Variants in SLC14A2 observed in about 807,000 individuals in gnomAD.
SLC14A2 encodes urea transporter 2.
Under a neutral mutation model 104.6 loss-of-function variants are expected in SLC14A2, and 91 were observed. The ratio of observed to expected loss-of-function variants is 0.87; its 90% CI spans 0.73 to 1.04. SLC14A2 has a LOEUF of 1.04. Among genes scored for constraint, SLC14A2 ranks in the 50% least tolerant of loss-of-function variants. The pLI is 0.00. For missense variants in SLC14A2, 1,189 were observed against 1,156.0 expected (o/e 1.03, Z -0.41); for synonymous variants, 476 against 466.4 (o/e 1.02, Z -0.27).
intron 1 of SLC14A2, among the ~76,000 whole-genome samples, chr18:45,279,741 T>C (rs188751390): frequency 2.0e-5 from 3 of 152,266 alleles, no homozygotes; most frequent in African/African-American, 7.2e-5. Context: ...ACACAGCCTC[T>C]GCCTACCCTT....
At chr18:45,190,803 A>G in the SLC14A2 span, among the ~76,000 whole-genome samples, 1 of 152,186 alleles carries the variant, frequency 6.6e-6, no homozygotes, top group African/African-American at 2.4e-5. Flanking sequence ...TATTATCCGC[A>G]TATTACAGGT....
intron 10 of SLC14A2, 54 bp downstream of exon 10, chr18:45,644,214 C>A (rs1347282045): frequency 1.3e-6 from 2 of 1,570,228 alleles, no homozygotes; most frequent in South Asian, 1.1e-5. Flanking sequence ...GATGTCCTCT[C>A]CCTGTGTTCT....
At chr18:45,508,007 A>C (rs2043310367) in intron 2 of SLC14A2, among the ~76,000 whole-genome samples, 1 of 152,244 alleles carries the variant, frequency 6.6e-6, no homozygotes, top group Non-Finnish European at 1.5e-5. Context: ...CTATAATGCA[A>C]GCTTAAAATA....
intron 1 of SLC14A2, among the ~76,000 whole-genome samples, chr18:45,344,265 G>GTCAT (rs1312688984): frequency 4.6e-5 from 7 of 152,234 alleles, no homozygotes; most frequent in African/African-American, 1.7e-4. Context: ...CCACTTAGAT[G>GTCAT]TCATTCAATT....
At chr18:45,277,132 A>G (rs1022579855) in intron 1 of SLC14A2, among the ~76,000 whole-genome samples, 1 of 152,222 alleles carries the variant, frequency 6.6e-6, no homozygotes, top group African/African-American at 2.4e-5. Flanking sequence ...TTAGCACTTG[A>G]ATTTCCTTGG....
At chr18:45,196,856 T>C in the SLC14A2 span, among the ~76,000 whole-genome samples, 3 of 152,202 alleles carry the variant, frequency 2.0e-5, no homozygotes, top group African/African-American at 7.2e-5. Context: ...ACTAATATCC[T>C]TGAAATAACT....
intron 1 of SLC14A2, among the ~76,000 whole-genome samples, chr18:45,250,755 CTTTTTTTT>C (rs67864793): frequency 1.6e-4 from 15 of 93,894 alleles, no homozygotes; most frequent in African/African-American, 6.1e-4. Context: ...TGGCTTCTTC[CTTTTTTTT>C]TTTTTTTTTT....
At chr18:45,462,806 A>G (rs893804889) in intron 1 of SLC14A2, among the ~76,000 whole-genome samples, 6 of 151,978 alleles carry the variant, frequency 3.9e-5, no homozygotes, top group Non-Finnish European at 7.4e-5. Context: ...TTGGACTTTA[A>G]TTTCCTCACC....
chr18:45,339,428 T>A (rs549292326), intron 1 of SLC14A2, among the ~76,000 whole-genome samples: 1 of 152,312 alleles, frequency 6.6e-6, no homozygotes, highest in East Asian at 1.9e-4. Context: ...CTGCAGTAGG[T>A]GCCTCTGGAG....
At chr18:45,467,181 C>T (rs1226116738) in intron 1 of SLC14A2, among the ~76,000 whole-genome samples, 2 of 152,128 alleles carry the variant, frequency 1.3e-5, no homozygotes, top group Admixed American at 1.3e-4. Flanking sequence ...ACAGGATTTT[C>T]TTGATTGCAA....
Position 45,682,387 on chromosome 18 carries a change from T to C in SLC14A2, c.2631T>C (p.Asn877=), listed in dbSNP as rs771935534. 1.9e-6 allele frequency: 3 copies of C among 1,614,154 alleles called. No individual in the cohort carries two copies. The highest frequency in any genetic ancestry group is 2.5e-6 in the Non-Finnish European group (3 of 1,180,034). ...SALTFLLLTT[N]NPAIYKLPLS... is the part of the protein sequence containing the mutation. ...TCACCTTCCTGCTCCTGACGACCAA[T>C]AACCCCGCCATCTACAAGCTCCCGC... The change falls in exon 20 of 20, where the codon AAT becomes AAC. Residue 877 remains asparagine, a synonymous_variant. Coordinates refer to ENST00000255226, the MANE Select transcript of SLC14A2 (RefSeq NM_007163.4).
rs186737305 is a variant in SLC14A2, at chr18:45,321,173, G to A, written c.-125+107982G>A. On this transcript the variant is annotated intron_variant, in intron 1 of 20. Transcript: ENST00000586448. ...CATGTTTATAAAGGCAAATCCCTGG[G>A]CTTCCCCAAGATCTGTTGACTTGGA... 3.0e-3 allele frequency among the ~76,000 whole-genome samples: 453 copies of A among 152,276 alleles called. 3 individuals carry two copies. The highest frequency in any genetic ancestry group is 0.01 in the African/African-American group (434 of 41,558).
At chr18:45,388,295 C>T (rs1371826033) in intron 1 of SLC14A2, among the ~76,000 whole-genome samples, 2 of 152,028 alleles carry the variant, frequency 1.3e-5, no homozygotes, top group Admixed American at 6.6e-5. Context: ...ATCTCCTGAC[C>T]TCGTGATCCA....
intron 1 of SLC14A2, among the ~76,000 whole-genome samples, chr18:45,414,744 TA>T (rs531366886): frequency 3.1e-4 from 16 of 52,358 alleles, no homozygotes; most frequent in African/African-American, 1.8e-3. Flanking sequence ...GCACCGAGCG[TA>T]AAAAAAAAAA....
At chr18:45,567,049 G>GCA (rs1470978465) in intron 2 of SLC14A2, among the ~76,000 whole-genome samples, 1 of 134,080 alleles carries the variant, frequency 7.5e-6, no homozygotes, top group Non-Finnish European at 1.6e-5. Flanking sequence ...GAGGACATGT[G>GCA]CACATAGTGT....
intron 1 of SLC14A2, among the ~76,000 whole-genome samples, chr18:45,408,114 G>A (rs2086176215): frequency 6.6e-6 from 1 of 152,138 alleles, no homozygotes; most frequent in South Asian, 2.1e-4. Context: ...CCTAAGTCAG[G>A]TTGAAATCCA....
intron 2 of SLC14A2, among the ~76,000 whole-genome samples, chr18:45,554,294 G>T (rs562089623): frequency 2.0e-5 from 3 of 152,166 alleles, no homozygotes; most frequent in Non-Finnish European, 2.9e-5. Flanking sequence ...AAGGGAGTTG[G>T]GGGGAAGAAG....
intron 2 of SLC14A2, among the ~76,000 whole-genome samples, chr18:45,485,868 A>C (rs2087594517): frequency 6.6e-6 from 1 of 152,084 alleles, no homozygotes; most frequent in Non-Finnish European, 1.5e-5. Flanking sequence ...AGCTATAGTC[A>C]ACCTAGACCT....
intron 1 of SLC14A2, among the ~76,000 whole-genome samples, chr18:45,437,396 AG>A (rs1157669317): frequency 6.6e-6 from 1 of 152,128 alleles, no homozygotes; most frequent in Non-Finnish European, 1.5e-5. Context: ...CAGACAAGGA[AG>A]TTAAGCTGTT....
Sources: gnomAD v4.1 joint callset for allele counts (sites outside exome capture counted in the v4.1 genomes callset) on GRCh38, gnomAD v4.1.1 for gene constraint, MANE v1.5 for transcripts, NCBI Gene and HGNC (gene_info 2026-07-23, HGNC 2026-07-21) for gene names.